ST3GAL1: variants seen among roughly 807,000 people sequenced by gnomAD.
ST3GAL1 encodes ST3 beta-galactoside alpha-2,3-sialyltransferase 1, also known as CMP-N-acetylneuraminate-beta-galactosamide-alpha-2,3-sialyltransferase 1.
In ST3GAL1, 16 loss-of-function variants were observed where a neutral mutation model predicts 34.1. That is an observed-to-expected ratio of 0.47 (90% CI 0.32 to 0.71). ST3GAL1 has a LOEUF of 0.71. ST3GAL1 is among the 30% of genes least tolerant of loss of function. The pLI is 0.04. For synonymous variants in ST3GAL1, 191 were observed against 184.7 expected, an observed-to-expected ratio of 1.03 and a Z score of -0.28; for missense variants, 353 against 447.4, an observed-to-expected ratio of 0.79 and a Z score of 1.90.
rs1815341214 is a variant in ST3GAL1 at position 133,457,446 on chromosome 8, C to T, written c.*2318G>A. Reference sequence around the variant, plus strand: ...CAGTGTCTGATGATCTGGAGTCTGCCCCTGGGGTCACTCAGTCACTCAACA... The same window carrying T: ...CAGTGTCTGATGATCTGGAGTCTGCTCCTGGGGTCACTCAGTCACTCAACA... On this transcript the variant is annotated 3_prime_UTR_variant, in exon 10 of 10. Transcript: ENST00000522652. 6.6e-6 allele frequency: 1 copy of T among 152,128 alleles called. No homozygotes were observed. 9.4% of individuals were successfully genotyped at this position (152,128 alleles called of 1,614,324 possible).
rs1023081364 is a variant in ST3GAL1 at position 133,459,813 on chromosome 8, G to A, written c.974C>T (p.Thr325Met). Residue 325 changes from threonine (T) to methionine (M), a missense_variant, in exon 10 of 10, where the codon ACG becomes ATG. Transcript: ENST00000522652. The surrounding 1 kb of genome is among the most constrained non-coding windows in gnomAD (Gnocchi z 4.7). ...TTTATTGATGGAGGCCAAGGTGGCCGTCACGTTAGACTCAAAGTCTGCATC... is the reference window on the plus strand; with the variant it reads ...TTTATTGATGGAGGCCAAGGTGGCCATCACGTTAGACTCAAAGTCTGCATC... Reference protein sequence around the residue: ...VHDADFESNVTATLASINKIR... With the variant: ...VHDADFESNVMATLASINKIR... The A allele has an allele frequency of 1.3e-5, 21 of 1,613,606 alleles. No homozygotes were observed. The highest frequency in any genetic ancestry group is 4.4e-5 in the South Asian group (4 of 91,020).
chr8:133,459,739 C>A lies in ST3GAL1; in HGVS notation c.*25G>T, dbSNP rs115046803. The stretch of plus-strand genomic sequence containing the variant: ...CTGGAAATGCAGAGGTGTGACAGTG[C>A]GTCCATCCTCAGCCCTTCACTGCGT... On this transcript the variant is annotated 3_prime_UTR_variant, in exon 10 of 10. Transcript: ENST00000522652. The surrounding 1 kb of genome is among the most constrained non-coding windows in gnomAD (Gnocchi z 4.7). 4 of 1,585,292 alleles carry A rather than the reference C, an allele frequency of 2.5e-6. No homozygotes were observed. The highest frequency in any genetic ancestry group is 1.7e-4 in the Middle Eastern group (1 of 5,820).
intron 1 of ST3GAL1, among the ~76,000 whole-genome samples, chr8:133,546,137 C>T (rs16904940): frequency 0.18 from 27,570 of 152,186 alleles, 2,635 homozygotes; most frequent in South Asian, 0.29. Flanking sequence ...TAACTCACAA[C>T]TCCTCTCCGC....
At chr8:133,493,000 G>A (rs1468129096) in intron 3 of ST3GAL1, among the ~76,000 whole-genome samples, 1 of 152,170 alleles carries the variant, frequency 6.6e-6, no homozygotes, top group Non-Finnish European at 1.5e-5. Context: ...GCTGGGAATG[G>A]CCAAACACCC....
intron 2 of ST3GAL1, among the ~76,000 whole-genome samples, chr8:133,529,139 G>A (rs867744325): frequency 6.6e-6 from 1 of 152,198 alleles, no homozygotes; most frequent in South Asian, 2.1e-4. Context: ...GGGCTCGCGG[G>A]CCAACCCCTG....
chr8:133,557,659 C>T (rs1448056559), intron 1 of ST3GAL1, among the ~76,000 whole-genome samples: 1 of 152,176 alleles, frequency 6.6e-6, no homozygotes, highest in Non-Finnish European at 1.5e-5. Flanking sequence ...ACTAGCCTGA[C>T]CAACATGGTG....
intron 1 of ST3GAL1, among the ~76,000 whole-genome samples, chr8:133,557,153 G>C (rs971228783): frequency 6.6e-6 from 1 of 152,166 alleles, no homozygotes; most frequent in Non-Finnish European, 1.5e-5. Flanking sequence ...CCAGTATGTG[G>C]TATTTCCTGG....
chr8:133,517,185 G>A (rs1415369969), intron 2 of ST3GAL1, among the ~76,000 whole-genome samples: 1 of 152,196 alleles, frequency 6.6e-6, no homozygotes, highest in African/African-American at 2.4e-5. Flanking sequence ...GGGCCAGCAA[G>A]CCCCAGTCCT....
At position 133,508,250 on chromosome 8, in the gene ST3GAL1, A is replaced by G. The variant is rs1173702885; in HGVS notation, c.-428-9061T>C. On this transcript the variant is annotated intron_variant, in intron 2 of 9. Transcript: ENST00000522652. This position sits in a 1 kb window ranked among gnomAD's most constrained non-coding sequence, Gnocchi z 4.1. Reference sequence around the variant, plus strand: ...CTCCAGAGTCCAGAACACGTTTCTTATGTGGAATTATCGGATTCCTGTCTT... The same window carrying G: ...CTCCAGAGTCCAGAACACGTTTCTTGTGTGGAATTATCGGATTCCTGTCTT... 6.6e-6 allele frequency among the ~76,000 whole-genome samples: 1 copy of G among 152,190 alleles called. No individual in the cohort carries two copies. The highest frequency in any genetic ancestry group is 1.5e-5 in the Non-Finnish European group (1 of 68,042).
chr8:133,562,554 T>C (rs1243917165), intron 1 of ST3GAL1, among the ~76,000 whole-genome samples: 1 of 151,952 alleles, frequency 6.6e-6, no homozygotes, highest in Non-Finnish European at 1.5e-5. Flanking sequence ...GTCAGAAGAG[T>C]TGAACTGAGG....
At chr8:133,527,816 C>T (rs189150154) in intron 2 of ST3GAL1, among the ~76,000 whole-genome samples, 87 of 152,290 alleles carry the variant, frequency 5.7e-4, no homozygotes, top group African/African-American at 1.9e-3. Flanking sequence ...TCCTTGAAGT[C>T]AATCCAGATG....
rs769692614 is a variant in ST3GAL1 at position 133,569,507 on chromosome 8, C to T, written c.-582+2186G>A. Among the ~76,000 whole-genome samples, 3 of 152,068 alleles carry T rather than the reference C, an allele frequency of 2.0e-5. No individual in the cohort carries two copies. In the East Asian group the frequency reaches 5.8e-4, roughly 29 times the overall value. On this transcript the variant is annotated intron_variant, in intron 1 of 9. Coordinates refer to ENST00000522652, the MANE Select transcript of ST3GAL1 (RefSeq NM_173344.3). ...TTTGCAGATATAGAAACTGAGACGC[C>T]GAGAGGTTAAGTCTGGCGACCAAAG...
chr8:133,458,886 C>CTT lies in ST3GAL1; in HGVS notation c.*876_*877dup, dbSNP rs61689158. ...CCAAGTTTGGGGTTTTTTTTCTTTTCTTTTTTTTTTTTTTTCAGAGACAGG... is the reference window on the plus strand; with the variant it reads ...CCAAGTTTGGGGTTTTTTTTCTTTTCTTTTTTTTTTTTTTTTTCAGAGACAGG... On this transcript the variant is annotated 3_prime_UTR_variant, in exon 10 of 10. Coordinates refer to ENST00000522652, the MANE Select transcript of ST3GAL1 (RefSeq NM_173344.3). The CTT allele has an allele frequency of 5.8e-5, 8 of 137,908 alleles. No homozygotes were observed. The highest frequency in any genetic ancestry group is 8.1e-5 in the African/African-American group (3 of 37,148). The allele number at this position is 137,908 out of a possible 1,614,324, so 8.5% of individuals were successfully genotyped here.
rs1816174812 is a variant in ST3GAL1, at chr8:133,476,301, ATTC to A, written c.-77_-75del. 1 of 361,774 alleles carries A rather than the reference ATTC, an allele frequency of 2.8e-6. No homozygotes were observed. The highest frequency in any genetic ancestry group is 4.3e-5 in the Admixed American group (1 of 23,072). 22.4% of individuals were successfully genotyped at this position (361,774 alleles called of 1,614,324 possible). A position where few individuals can be genotyped will look rare whatever the true frequency, so the allele number is the denominator to read the frequency against. The stretch of plus-strand genomic sequence containing the variant: ...ACCTTTTCAGAAAATAAAGTAGCCT[ATTC>A]TTCTGCAATCCTTAAAGAGCTGATA... On this transcript the variant is annotated 5_prime_UTR_variant, in exon 4 of 10. Transcript: ENST00000522652.
At chr8:133,509,500 T>C (rs769359870) in intron 2 of ST3GAL1, among the ~76,000 whole-genome samples, 2 of 152,164 alleles carry the variant, frequency 1.3e-5, no homozygotes, top group Non-Finnish European at 2.9e-5. Context: ...AGAACATCAC[T>C]GCAAATGACA....
chr8:133,519,674 G>C (rs558129019), intron 2 of ST3GAL1, among the ~76,000 whole-genome samples: 11 of 152,250 alleles, frequency 7.2e-5, no homozygotes, highest in South Asian at 4.1e-4. Context: ...GGCCGGGCTC[G>C]GGAGCGCACG....
At position 133,556,171 on chromosome 8, in the gene ST3GAL1, C is replaced by T. The variant is rs1586667169; in HGVS notation, c.-581-10245G>A. Among the ~76,000 whole-genome samples, 1 of 152,172 alleles carries T rather than the reference C, an allele frequency of 6.6e-6. No individual in the cohort carries two copies. The highest frequency in any genetic ancestry group is 2.4e-5 in the African/African-American group (1 of 41,448). ...TCGGCCTCCCAAAGTGCTAGGATTG[C>T]AGGCATGAGCCACCATGCCCAGCTT... On this transcript the variant is annotated intron_variant, in intron 1 of 9. Transcript: ENST00000522652. The surrounding 1 kb of genome is among the most constrained non-coding windows in gnomAD (Gnocchi z 8.9).
intron 2 of ST3GAL1, among the ~76,000 whole-genome samples, chr8:133,522,153 T>C (rs1215723876): frequency 1.3e-5 from 2 of 152,140 alleles, no homozygotes; most frequent in African/African-American, 4.8e-5. Context: ...GGAAGCCATC[T>C]AAGATTTAAA....
rs2130945600 is a variant in ST3GAL1, at chr8:133,476,281, T to C, written c.-54A>G. The C allele has an allele frequency of 5.0e-6, 2 of 403,204 alleles. No homozygotes were observed. Among genetic ancestry groups the C allele is most frequent in the East Asian group, 4.1e-5 (1 of 24,126 alleles). 25.0% of individuals were successfully genotyped at this position (403,204 alleles called of 1,614,324 possible). A position where few individuals can be genotyped will look rare whatever the true frequency, so the allele number is the denominator to read the frequency against. ...GGCTTTGCTTGCATATATTTACCTTTTCAGAAAATAAAGTAGCCTATTCTT... is the reference window on the plus strand; with the variant it reads ...GGCTTTGCTTGCATATATTTACCTTCTCAGAAAATAAAGTAGCCTATTCTT... On this transcript the variant is annotated 5_prime_UTR_variant, in exon 4 of 10. Coordinates refer to ENST00000522652, the MANE Select transcript of ST3GAL1 (RefSeq NM_173344.3).
Sources: gnomAD v4.1 joint callset for allele counts (sites outside exome capture counted in the v4.1 genomes callset) on GRCh38, gnomAD v4.1.1 for gene constraint, Gnocchi (gnomAD v3.1) non-coding constraint, MANE v1.5 for transcripts, NCBI Gene and HGNC (gene_info 2026-07-23, HGNC 2026-07-21) for gene names.